Variants in KMT2C observed in about 807,000 individuals in gnomAD.
KMT2C encodes the protein histone-lysine N-methyltransferase 2C.
KMT2C carries 88 observed loss-of-function variants against 507.9 expected under a neutral mutation model. That is an observed-to-expected ratio of 0.17 (90% CI 0.15 to 0.21). KMT2C has a LOEUF of 0.21. KMT2C is among the 10% of genes least tolerant of loss of function. The pLI is 1.00. For synonymous variants in KMT2C, 2,049 were observed against 2,080.8 expected (o/e 0.98, Z 0.42); for missense variants, 4,954 against 5,957.8 (o/e 0.83, Z 5.55).
At chr7:152,324,063 T>C (rs1264297452) in intron 3 of KMT2C, among the ~76,000 whole-genome samples, 2 of 151,722 alleles carry the variant, frequency 1.3e-5, no homozygotes, top group Non-Finnish European at 2.9e-5. Context: ...TAGTAAGTTG[T>C]TGGTCAAAGG....
intron 36 of KMT2C, 136 bp downstream of exon 36, chr7:152,180,572 TTTC>T: frequency 1.5e-6 from 1 of 647,566 alleles, no homozygotes; most frequent in Non-Finnish European, 2.5e-6. Context: ...CAATTTCATT[TTTC>T]TTTTTTGCAG....
rs754571645 is a variant in KMT2C at position 152,144,925 on chromosome 7, C to A, written c.14175-44G>T. 84 of 1,556,334 alleles carry A rather than the reference C, an allele frequency of 5.4e-5. No homozygotes were observed. Among genetic ancestry groups the A allele is most frequent in the Non-Finnish European group, 6.9e-5 (79 of 1,144,300 alleles). On this transcript the variant is annotated intron_variant, in intron 54 of 58. Coordinates refer to ENST00000262189, the MANE Select transcript of KMT2C (RefSeq NM_170606.3). This position sits in a 1 kb window ranked among gnomAD's most constrained non-coding sequence, Gnocchi z 4.4. ...CAACAGGAAAAAAATACAAGGAAAA[C>A]TGAAGATACCTCTGAGTAATGCCCA...
chr7:152,296,248 G>A (rs776248437), intron 6 of KMT2C, among the ~76,000 whole-genome samples: 38 of 150,914 alleles, frequency 2.5e-4, no homozygotes, highest in Non-Finnish European at 4.0e-4. Flanking sequence ...GGGCAACATG[G>A]CGAAACCCCA....
Position 152,154,345 on chromosome 7 carries a change from G to C in KMT2C, c.12061C>G (p.Leu4021Val), listed in dbSNP as rs1223433379. 2 of 1,614,140 alleles carry C rather than the reference G, an allele frequency of 1.2e-6. No homozygotes were observed. The highest frequency in any genetic ancestry group is 1.1e-5 in the South Asian group (1 of 91,076). The change falls in exon 47 of 59, where the codon CTG becomes GTG. Residue 4021 changes from leucine to valine, a missense_variant. Coordinates refer to ENST00000262189, the MANE Select transcript of KMT2C (RefSeq NM_170606.3). ...GGAGGCTCCTCCTTGACCAATGACA[G>C]ATCTGGATACCTGCTCACTTCTACC... is the stretch of plus-strand genomic sequence containing the variant. ...VGVEVSRYPDLSLVKEEPPEP... is the reference protein window; with the variant it reads ...VGVEVSRYPDVSLVKEEPPEP...
intron 7 of KMT2C, among the ~76,000 whole-genome samples, chr7:152,268,317 A>G (rs1433368252): frequency 6.6e-6 from 1 of 152,120 alleles, no homozygotes; most frequent in African/African-American, 2.4e-5. Flanking sequence ...AATACCTATT[A>G]CCACACCCAA....
In KMT2C at chr7:152,359,287, TG is replaced by T. The variant is rs2097176583; in HGVS notation, c.162-613del. Among the ~76,000 whole-genome samples, 4 of 129,900 alleles carry T rather than the reference TG, an allele frequency of 3.1e-5. No homozygotes were observed. The Admixed American group carries it at 3.1e-4, about 10-fold the overall frequency. The allele number at this position is 129,900 out of a possible 152,430, so 85.2% of individuals were successfully genotyped here. A position where few individuals can be genotyped will look rare whatever the true frequency, so the allele number is the denominator to read the frequency against. On this transcript the variant is annotated intron_variant, in intron 1 of 58. Transcript: ENST00000262189. Reference sequence around the variant, plus strand: ...GGTGAAATTCCTGACAGAAAGCAATTGAAAAAAAAAAAAAAAACTAATGCCT... The same window carrying T: ...GGTGAAATTCCTGACAGAAAGCAATTAAAAAAAAAAAAAAAACTAATGCCT...
intron 6 of KMT2C, among the ~76,000 whole-genome samples, chr7:152,278,867 A>T (rs1380484630): frequency 3.9e-5 from 6 of 152,312 alleles, no homozygotes; most frequent in African/African-American, 1.4e-4. Context: ...TAGAAATAAC[A>T]TGCATAGATT....
intron 7 of KMT2C, among the ~76,000 whole-genome samples, chr7:152,268,835 C>T (rs2095906579): frequency 6.6e-6 from 1 of 152,186 alleles, no homozygotes; most frequent in Non-Finnish European, 1.5e-5. Flanking sequence ...TCCCCTGACA[C>T]TTCAAGTTGC....
chr7:152,323,226 A>C (rs1418154382), intron 3 of KMT2C, among the ~76,000 whole-genome samples: 2 of 152,088 alleles, frequency 1.3e-5, no homozygotes, highest in Non-Finnish European at 2.9e-5. Flanking sequence ...CTGCATGCCC[A>C]TGCTTACTAC....
chr7:152,230,948 C>T (rs1470031049), intron 16 of KMT2C, among the ~76,000 whole-genome samples: 1 of 152,056 alleles, frequency 6.6e-6, no homozygotes, highest in African/African-American at 2.4e-5. Context: ...TCCCAGGTAG[C>T]TGGGATTACA....
rs998259030 is a variant in KMT2C at position 152,224,318 on chromosome 7, T to C, written c.3158+117A>G. On this transcript the variant is annotated intron_variant, in intron 19 of 58. Coordinates refer to ENST00000262189, the MANE Select transcript of KMT2C (RefSeq NM_170606.3). ...GAAAATTTTTCTGATTACTGGTATC[T>C]ATCATAGAATATGTGTATTATTCAA... The C allele has an allele frequency of 1.3e-4, 168 of 1,259,130 alleles. 1 individual carries two copies. The highest frequency in any genetic ancestry group is 1.8e-4 in the Non-Finnish European group (159 of 896,502). 78.0% of individuals were successfully genotyped at this position (1,259,130 alleles called of 1,614,324 possible). A position where few individuals can be genotyped will look rare whatever the true frequency, so the allele number is the denominator to read the frequency against.
intron 43 of KMT2C, among the ~76,000 whole-genome samples, chr7:152,159,286 G>C (rs1320368361): frequency 6.6e-6 from 1 of 152,214 alleles, no homozygotes; most frequent in African/African-American, 2.4e-5. Flanking sequence ...AAGCTGCGAA[G>C]CTTGAGGAAA....
At position 152,176,724 on chromosome 7, in the gene KMT2C, C is replaced by T. The variant is rs2129113524; in HGVS notation, c.8729G>A (p.Gly2910Asp). Residue 2910 changes from glycine to aspartate, a missense_variant, in exon 38 of 59, where the codon GGC becomes GAC. By Grantham distance (94) the Gly-to-Asp change is moderately conservative (BLOSUM62 -1). This residue lies in a region of KMT2C where 1,689 missense variants were observed against 1,654.3 expected (regional missense o/e 1.02). Transcript: ENST00000262189. Reference sequence around the variant, plus strand: ...GAGAACTGGAGTTGATCCAGTTATGCCACAAGAGTTTATTACATCTTGAGC... The same window carrying T: ...GAGAACTGGAGTTGATCCAGTTATGTCACAAGAGTTTATTACATCTTGAGC... ...LPAQDVINSC[G>D]ITGSTPVLSS... 1 of 1,614,070 alleles carries T rather than the reference C, an allele frequency of 6.2e-7. No individual in the cohort carries two copies. Among genetic ancestry groups the T allele is most frequent in the South Asian group, 1.1e-5 (1 of 91,076 alleles).
intron 23 of KMT2C, among the ~76,000 whole-genome samples, chr7:152,208,649 T>C (rs2094370385): frequency 6.6e-6 from 1 of 152,226 alleles, no homozygotes; most frequent in Admixed American, 6.5e-5. Context: ...TTCCAAGTTA[T>C]ATATGCTTTA....
chr7:152,257,846 C>T (rs377068186), intron 9 of KMT2C, among the ~76,000 whole-genome samples: 9 of 151,118 alleles, frequency 6.0e-5, no homozygotes, highest in Middle Eastern at 3.4e-3. Context: ...TAACGATAGC[C>T]GATGAGCTAC....
chr7:152,176,098 C>A (rs2129112334), intron 38 of KMT2C, 93 bp downstream of exon 38: 1 of 1,254,966 alleles, frequency 8.0e-7, no homozygotes, highest in Non-Finnish European at 1.1e-6. Context: ...TGCTTTATTC[C>A]AACTGTAATT....
At chr7:152,373,169 T>C (rs918240482) in intron 1 of KMT2C, among the ~76,000 whole-genome samples, 1 of 152,132 alleles carries the variant, frequency 6.6e-6, no homozygotes, top group African/African-American at 2.4e-5. Context: ...AAAACAGATA[T>C]AAATGCAGTA....
At chr7:152,140,396 A>G (rs1464882007) in intron 55 of KMT2C, among the ~76,000 whole-genome samples, 4 of 152,250 alleles carry the variant, frequency 2.6e-5, no homozygotes, top group African/African-American at 4.8e-5. Flanking sequence ...AGAAGTTTGA[A>G]CGGGCTGAAA....
chr7:152,160,662 G>A (rs1435531879), intron 43 of KMT2C, among the ~76,000 whole-genome samples: 1 of 146,276 alleles, frequency 6.8e-6, no homozygotes, highest in Non-Finnish European at 1.5e-5. Flanking sequence ...TTTATATATA[G>A]ATGTATATAT....
Sources: allele counts gnomAD v4.1 joint callset (sites outside exome capture counted in the v4.1 genomes callset), GRCh38; gene constraint gnomAD v4.1.1; regional missense constraint gnomAD v4.1.1; non-coding constraint Gnocchi (gnomAD v3.1); transcripts MANE v1.5; gene names NCBI Gene and HGNC (gene_info 2026-07-23, HGNC 2026-07-21).